UBAP2: variants seen among roughly 807,000 people sequenced by gnomAD.
UBAP2 encodes ubiquitin-associated protein 2.
Under a neutral mutation model 139.6 loss-of-function variants are expected in UBAP2, and 75 were observed. That is an observed-to-expected ratio of 0.54 (90% CI 0.45 to 0.65). UBAP2 has a LOEUF of 0.65. Among genes scored for constraint, UBAP2 ranks in the 30% least tolerant of loss-of-function variants. The probability of loss-of-function intolerance (pLI) is 0.00; values close to 1 mark genes in which losing one functional copy is unlikely to be tolerated. For missense variants in UBAP2, 1,368 were observed against 1,369.6 expected, an observed-to-expected ratio of 1.00 and a Z score of 0.02; for synonymous variants, 526 against 526.2, an observed-to-expected ratio of 1.00 and a Z score of 0.01.
In UBAP2 at chr9:34,026,864, C is replaced by T. The variant is rs531837286; in HGVS notation, c.-41-9675G>A. ...TTAACTATTATGCTATGTTGTAAGG[C>T]TAACTGTTCAGTCACAGATAAATAA... On this transcript the variant is annotated intron_variant, in intron 1 of 28. Coordinates refer to ENST00000379238, the MANE Select transcript of UBAP2 (RefSeq NM_001370062.2). 8.5e-5 allele frequency among the ~76,000 whole-genome samples: 13 copies of T among 152,294 alleles called. No individual in the cohort carries two copies. The South Asian group carries it at 2.5e-3, about 29-fold the overall frequency.
At chr9:34,036,806 C>CTTTTT (rs869116521) in intron 1 of UBAP2, among the ~76,000 whole-genome samples, 3 of 99,500 alleles carry the variant, frequency 3.0e-5, no homozygotes, top group African/African-American at 4.5e-5. Flanking sequence ...AAGTTTTTCT[C>CTTTTT]TTTTTTTTTT....
At position 34,030,589 on chromosome 9, in the gene UBAP2, C is replaced by A. The variant is rs191638345; in HGVS notation, c.-41-13400G>T. 1.4e-3 allele frequency among the ~76,000 whole-genome samples: 212 copies of A among 152,100 alleles called. 2 individuals are homozygous for A. Among genetic ancestry groups the A allele is most frequent in the South Asian group, 0.013 (61 of 4,824 alleles). On this transcript the variant is annotated intron_variant, in intron 1 of 28. Transcript: ENST00000379238. The stretch of plus-strand genomic sequence containing the variant: ...AGTATGCCGTGATCACGCCAGTGCA[C>A]TCCTAGTACAGTGCCCAAGAGATGA...
rs368079033 is a variant in UBAP2, at chr9:33,985,183, A to T, written c.520+1577T>A. Among the ~76,000 whole-genome samples the T allele has an allele frequency of 1.3e-3, 190 of 151,562 alleles. 10 individuals carry two copies. In the South Asian group the frequency reaches 0.038, roughly 31 times the overall value. On this transcript the variant is annotated intron_variant, in intron 6 of 28. Transcript: ENST00000379238. ...GGTTGTGGTGGCTGTGGCAATTTCTATTTTTTTTTAATTTTTAACTTTTTA... is the reference window on the plus strand; with the variant it reads ...GGTTGTGGTGGCTGTGGCAATTTCTTTTTTTTTTTAATTTTTAACTTTTTA...
At chr9:34,038,160 A>G (rs1463178528) in intron 1 of UBAP2, among the ~76,000 whole-genome samples, 1 of 124,574 alleles carries the variant, frequency 8.0e-6, no homozygotes, top group African/African-American at 3.4e-5. Context: ...AAAAAAAAAA[A>G]AAAAAAAAGG....
chr9:34,031,077 G>C (rs1230437770), intron 1 of UBAP2, among the ~76,000 whole-genome samples: 3 of 152,024 alleles, frequency 2.0e-5, no homozygotes. Flanking sequence ...TCAGGAGTTT[G>C]AGACCAGCCT....
intron 19 of UBAP2, among the ~76,000 whole-genome samples, chr9:33,931,578 C>G (rs1823984123): frequency 6.6e-6 from 1 of 152,148 alleles, no homozygotes; most frequent in Non-Finnish European, 1.5e-5. Flanking sequence ...GCAGAGGTGT[C>G]CACACTATGC....
Position 33,986,589 on chromosome 9 carries a change from T to G in UBAP2, c.520+171A>C, listed in dbSNP as rs368680658. ...AACAACCCTTTGGTTTCTTCAAAAC[T>G]ACATAACCCAAAATAGTTCATTTAC... On this transcript the variant is annotated intron_variant, in intron 6 of 28. Transcript: ENST00000379238. Among the ~76,000 whole-genome samples, 13 of 152,294 alleles carry G rather than the reference T, an allele frequency of 8.5e-5. 1 individual carries two copies. Among genetic ancestry groups the G allele is most frequent in the African/African-American group, 3.1e-4 (13 of 41,568 alleles).
At chr9:33,954,283 C>CACACAT (rs1554682985) in intron 11 of UBAP2, among the ~76,000 whole-genome samples, 1 of 148,666 alleles carries the variant, frequency 6.7e-6, no homozygotes, top group African/African-American at 2.5e-5. Context: ...CACACACACA[C>CACACAT]ACACACACAC....
At chr9:34,043,131 T>C (rs528793962) in intron 1 of UBAP2, among the ~76,000 whole-genome samples, 2 of 152,264 alleles carry the variant, frequency 1.3e-5, no homozygotes, top group African/African-American at 4.8e-5. Context: ...CAATGACAAC[T>C]CTACATGTTT....
rs920285070 is a variant in UBAP2 at position 33,963,788 on chromosome 9, A to C, written c.683T>G (p.Leu228Arg). 50 of 1,610,886 alleles carry C rather than the reference A, an allele frequency of 3.1e-5. No individual in the cohort carries two copies. The highest frequency in any genetic ancestry group is 3.8e-5 in the Non-Finnish European group (45 of 1,177,430). Residue 228 changes from leucine (L) to arginine (R), a missense_variant, in exon 9 of 29, where the codon CTG becomes CGG. Physicochemically the swap from Leu to Arg is moderately radical, Grantham distance 102. Coordinates refer to ENST00000379238, the MANE Select transcript of UBAP2 (RefSeq NM_001370062.2). ...AGCTATGTTGTGAGTATTTGATGCC[A>C]GTTCTGTGGACCAATGTAAAATTGA... is the stretch of plus-strand genomic sequence containing the variant. ...AQNGADEGTE[L>R]ASNTHNIAQD...
Position 33,971,710 on chromosome 9 carries a change from A to C in UBAP2, c.620T>G (p.Val207Gly), listed in dbSNP as rs765965349. Residue 207 changes from valine to glycine, a missense_variant, in exon 8 of 29, where the codon GTG becomes GGG. Val to Gly is a moderately radical substitution (Grantham distance 109). Transcript: ENST00000379238. ...CCAAACTACTAGCTTTGTCCCACACACATCTGTAGATGTAGAATCTGAATA... is the reference window on the plus strand; with the variant it reads ...CCAAACTACTAGCTTTGTCCCACACCCATCTGTAGATGTAGAATCTGAATA... The part of the protein sequence containing the change: ...ADYSDSTSTD[V>G]CGTKLVVWEA... The C allele has an allele frequency of 3.1e-6, 5 of 1,612,658 alleles. No homozygotes were observed. Among genetic ancestry groups the C allele is most frequent in the Middle Eastern group, 3.3e-4 (2 of 6,084 alleles).
intron 1 of UBAP2, among the ~76,000 whole-genome samples, chr9:34,019,562 G>C (rs1824715200): frequency 6.6e-6 from 1 of 152,084 alleles, no homozygotes. Context: ...GTTTCTGTAG[G>C]GGAGGATACA....
At position 34,017,047 on chromosome 9, in the gene UBAP2, T is replaced by TA. The variant is rs746006235; in HGVS notation, c.99+2dup. On this transcript the variant is annotated splice_region_variant and intron_variant, in intron 2 of 28. Transcript: ENST00000379238. ...AAAAAAAAAGAGTTCCACAAAAACT[T>TA]ACCTGTACCACTTGTTTCTGTGGTT... 4 of 1,584,034 alleles carry TA rather than the reference T, an allele frequency of 2.5e-6. No homozygotes were observed. Among genetic ancestry groups the TA allele is most frequent in the East Asian group, 2.2e-5 (1 of 44,646 alleles).
rs201632780 is a variant in UBAP2, at chr9:33,972,800, C to CT, written c.575+382dup. On this transcript the variant is annotated intron_variant, in intron 7 of 28. Coordinates refer to ENST00000379238, the MANE Select transcript of UBAP2 (RefSeq NM_001370062.2). ...CATTCAAAGACAATGGCTGGATTAA[C>CT]TAAAATGGCTCTTAGGCAGTGCCAT... Among the ~76,000 whole-genome samples, 916 of 152,304 alleles carry CT rather than the reference C, an allele frequency of 6.0e-3. 7 individuals carry two copies. Among genetic ancestry groups the CT allele is most frequent in the African/African-American group, 0.021 (867 of 41,576 alleles).
chr9:33,962,477 C>A (rs1346569501), intron 9 of UBAP2, among the ~76,000 whole-genome samples: 1 of 151,812 alleles, frequency 6.6e-6, no homozygotes, highest in Non-Finnish European at 1.5e-5. Context: ...GAAACCCCGT[C>A]TCTACTAAAA....
At chr9:34,008,570 G>A (rs1036357075) in intron 2 of UBAP2, among the ~76,000 whole-genome samples, 2 of 151,580 alleles carry the variant, frequency 1.3e-5, no homozygotes, top group East Asian at 1.9e-4. Context: ...ATGAGACCCC[G>A]TCTCAAAAAT....
At chr9:33,959,010 A>G (rs1001377367) in intron 10 of UBAP2, among the ~76,000 whole-genome samples, 1 of 152,062 alleles carries the variant, frequency 6.6e-6, no homozygotes, top group Non-Finnish European at 1.5e-5. Context: ...TTGGCCAGGC[A>G]TGGTGGCGTG....
chr9:34,027,946 C>A (rs890801383), intron 1 of UBAP2, among the ~76,000 whole-genome samples: 2 of 150,108 alleles, frequency 1.3e-5, no homozygotes, highest in South Asian at 2.1e-4. Flanking sequence ...CACCCGTAAT[C>A]GAGGAGAGAA....
At chr9:33,928,191 C>G in intron 19 of UBAP2, 199 bp from the exon 20 acceptor site, 2 of 557,594 alleles carry the variant, frequency 3.6e-6, no homozygotes, top group South Asian at 5.2e-5. Context: ...TTCCAGCCAT[C>G]AGGATACAAT....
Sources: allele counts gnomAD v4.1 joint callset (sites outside exome capture counted in the v4.1 genomes callset), GRCh38; gene constraint gnomAD v4.1.1; transcripts MANE v1.5; gene names NCBI Gene and HGNC (gene_info 2026-07-23, HGNC 2026-07-21).